The following RSRC1 variants were observed in gnomAD, a reference collection of about 807,000 sequenced individuals.
RSRC1 encodes the protein serine/Arginine-related protein 53.
RSRC1 carries 39 observed loss-of-function variants against 49.1 expected under a neutral mutation model. The observed-to-expected ratio is 0.79, with a 90% CI of 0.61 to 1.04. The LOEUF is 1.04. Among genes scored for constraint, RSRC1 ranks in the 50% least tolerant of loss-of-function variants. RSRC1 has a pLI of 0.00. For missense variants in RSRC1, 388 were observed against 402.4 expected (o/e 0.96, Z 0.31); for synonymous variants, 143 against 130.8 (o/e 1.09, Z -0.63).
At chr3:158,177,923 T>C (rs1007656386) in intron 3 of RSRC1, among the ~76,000 whole-genome samples, 2 of 152,220 alleles carry the variant, frequency 1.3e-5, no homozygotes, top group African/African-American at 4.8e-5. Context: ...TTTCATTGAC[T>C]CTACAGATTA....
intron 3 of RSRC1, among the ~76,000 whole-genome samples, chr3:158,150,534 G>GT (rs1289867625): frequency 6.6e-6 from 1 of 151,970 alleles, no homozygotes; most frequent in Non-Finnish European, 1.5e-5. Context: ...GTCTGGTTGT[G>GT]TTTTTTTCCA....
At chr3:158,222,486 A>G (rs1280582709) in intron 4 of RSRC1, among the ~76,000 whole-genome samples, 1 of 151,482 alleles carries the variant, frequency 6.6e-6, no homozygotes, top group Non-Finnish European at 1.5e-5. Context: ...TACATATTTC[A>G]CAACATCTTG....
chr3:158,268,284 A>T (rs188531717), intron 4 of RSRC1, among the ~76,000 whole-genome samples: 1 of 152,190 alleles, frequency 6.6e-6, no homozygotes, highest in Non-Finnish European at 1.5e-5. Flanking sequence ...AACGCATCAA[A>T]GGTATATTTC....
At chr3:158,290,613 T>G (rs1301520061) in intron 4 of RSRC1, among the ~76,000 whole-genome samples, 1 of 152,148 alleles carries the variant, frequency 6.6e-6, no homozygotes, top group African/African-American at 2.4e-5. Flanking sequence ...TTGCCAAACT[T>G]TTATTCATCA....
intron 6 of RSRC1, among the ~76,000 whole-genome samples, chr3:158,397,773 T>C (rs1338477684): frequency 6.6e-6 from 1 of 152,100 alleles, no homozygotes; most frequent in Non-Finnish European, 1.5e-5. Flanking sequence ...CTTTCCCTTC[T>C]CCCTATCATA....
At chr3:158,515,110 C>T (rs1410538235) in intron 7 of RSRC1, among the ~76,000 whole-genome samples, 1 of 149,152 alleles carries the variant, frequency 6.7e-6, no homozygotes, top group African/African-American at 2.5e-5. Context: ...GCATTTAGTC[C>T]ATTTACATTT....
chr3:158,462,313 C>T (rs1737657850), intron 7 of RSRC1, among the ~76,000 whole-genome samples: 1 of 151,834 alleles, frequency 6.6e-6, no homozygotes, highest in Admixed American at 6.6e-5. Context: ...AGACTAAATG[C>T]AAATGTGTCT....
At chr3:158,257,940 T>A (rs1182190934) in intron 4 of RSRC1, among the ~76,000 whole-genome samples, 1 of 152,144 alleles carries the variant, frequency 6.6e-6, no homozygotes, top group Non-Finnish European at 1.5e-5. Context: ...ATGCCTTAAC[T>A]TCGTCCCCTT....
chr3:158,445,303 C>A (rs1306085786), intron 6 of RSRC1, among the ~76,000 whole-genome samples: 1 of 151,982 alleles, frequency 6.6e-6, no homozygotes, highest in Non-Finnish European at 1.5e-5. Context: ...GCACATACAC[C>A]CCATGAAATA....
chr3:158,418,061 C>T (rs1734841810), intron 6 of RSRC1, among the ~76,000 whole-genome samples: 1 of 151,860 alleles, frequency 6.6e-6, no homozygotes, highest in African/African-American at 2.4e-5. Flanking sequence ...ATGTGATTTT[C>T]TTAATAAGTA....
At chr3:158,481,480 A>T (rs1339187838) in intron 7 of RSRC1, among the ~76,000 whole-genome samples, 2 of 152,142 alleles carry the variant, frequency 1.3e-5, no homozygotes, top group Admixed American at 1.3e-4. Context: ...ATATCACATA[A>T]CTGGGAAATT....
chr3:158,276,444 G>A (rs535776825), intron 4 of RSRC1: 52 of 695,564 alleles, frequency 7.5e-5, no homozygotes, highest in South Asian at 6.4e-4. Flanking sequence ...GATGGCTGCC[G>A]CCAGACAGAA....
At chr3:158,314,961 G>A (rs1728341262) in intron 5 of RSRC1, among the ~76,000 whole-genome samples, 1 of 151,908 alleles carries the variant, frequency 6.6e-6, no homozygotes, top group South Asian at 2.1e-4. Flanking sequence ...GAACCTGGGA[G>A]GCAGAGGTTG....
At chr3:158,270,086 A>G (rs1725417108) in intron 4 of RSRC1, among the ~76,000 whole-genome samples, 1 of 151,980 alleles carries the variant, frequency 6.6e-6, no homozygotes. Context: ...TCAAGACACC[A>G]GGTTGCTTGT....
intron 6 of RSRC1, among the ~76,000 whole-genome samples, chr3:158,390,285 A>G (rs1480840298): frequency 1.3e-5 from 2 of 152,158 alleles, no homozygotes; most frequent in African/African-American, 2.4e-5. Context: ...ACTCCAGGAA[A>G]GTGGAGCCTG....
chr3:158,341,339 G>A (rs775394534), intron 5 of RSRC1, among the ~76,000 whole-genome samples: 20 of 152,050 alleles, frequency 1.3e-4, no homozygotes, highest in Non-Finnish European at 2.2e-4. Context: ...GTGGTTTCGT[G>A]GGCCAGGTCC....
In RSRC1 at chr3:158,275,966, T is replaced by G; in HGVS notation, c.495-22073T>G. 5 of 754,444 alleles carry G rather than the reference T, an allele frequency of 6.6e-6. No homozygotes were observed. In the South Asian group the frequency reaches 6.7e-5, roughly 10 times the overall value. 46.7% of individuals were successfully genotyped at this position (754,444 alleles called of 1,614,324 possible). ...CATTTCCCTGTGCTTGTGGACTGGT[T>G]CGGTGATCCATGGGTGTCAGGATTT... is the stretch of plus-strand genomic sequence containing the variant. On this transcript the variant is annotated intron_variant, in intron 4 of 9. Transcript: ENST00000611884.
At chr3:158,355,740 A>C (rs1057350760) in intron 6 of RSRC1, among the ~76,000 whole-genome samples, 7 of 152,054 alleles carry the variant, frequency 4.6e-5, no homozygotes, top group African/African-American at 1.7e-4. Context: ...AATGTATATA[A>C]CTTATTCAAA....
intron 5 of RSRC1, among the ~76,000 whole-genome samples, chr3:158,301,931 A>G (rs1030273689): frequency 3.4e-5 from 5 of 148,374 alleles, no homozygotes; most frequent in South Asian, 4.3e-4. Context: ...TAAACAGCCA[A>G]TTTTATTGAC....
Sources: gnomAD v4.1 joint callset for allele counts (sites outside exome capture counted in the v4.1 genomes callset) on GRCh38, gnomAD v4.1.1 for gene constraint, MANE v1.5 for transcripts, NCBI Gene and HGNC (gene_info 2026-07-23, HGNC 2026-07-21) for gene names.